The following SOX5 variants were observed in gnomAD, a reference collection of about 807,000 sequenced individuals.
The protein encoded by SOX5 is SRY-box transcription factor 5.
In SOX5, 9 loss-of-function variants were observed where a neutral mutation model predicts 92.0. The ratio of observed to expected loss-of-function variants is 0.10; its 90% CI spans 0.06 to 0.17. The LOEUF (loss-of-function observed/expected upper bound fraction) is 0.17. SOX5 is among the 10% of genes least tolerant of loss of function. The probability of loss-of-function intolerance (pLI) is 1.00; values close to 1 mark genes in which losing one functional copy is unlikely to be tolerated. For synonymous variants in SOX5, 344 were observed against 336.3 expected, an observed-to-expected ratio of 1.02 and a Z score of -0.25; for missense variants, 642 against 944.5, an observed-to-expected ratio of 0.68 and a Z score of 4.20.
intron 5 of SOX5, among the ~76,000 whole-genome samples, chr12:23,739,291 G>C (rs1156557148): frequency 6.6e-6 from 1 of 152,064 alleles, no homozygotes; most frequent in Non-Finnish European, 1.5e-5. Flanking sequence ...TCTATCTTAC[G>C]TTGTATTTAC....
intron 6 of SOX5, among the ~76,000 whole-genome samples, chr12:23,702,995 C>T (rs371573440): frequency 6.6e-6 from 1 of 151,946 alleles, no homozygotes; most frequent in South Asian, 2.1e-4. Flanking sequence ...AAGACTGAAT[C>T]TTGTAAAGAG....
chr12:24,530,716 C>T (rs1951120169), intron 1 of SOX5, among the ~76,000 whole-genome samples: 2 of 148,940 alleles, frequency 1.3e-5, no homozygotes, highest in Non-Finnish European at 3.0e-5. Flanking sequence ...GCACTCCAGC[C>T]TGAGTGACAA....
At chr12:23,796,462 T>C (rs4641570) in intron 3 of SOX5, among the ~76,000 whole-genome samples, 34,124 of 152,016 alleles carry the variant, frequency 0.22, 4,664 homozygotes, top group Middle Eastern at 0.32. Flanking sequence ...CTGAGTTGCA[T>C]AGCTAATGCT....
intron 4 of SOX5, among the ~76,000 whole-genome samples, chr12:24,040,036 T>A (rs1055456779): frequency 1.3e-5 from 2 of 152,162 alleles, no homozygotes; most frequent in African/African-American, 4.8e-5. Context: ...AATTCTAAAT[T>A]ACTTAAAAAT....
At chr12:23,582,141 T>A (rs1950128408) in intron 9 of SOX5, 1 of 985,100 alleles carries the variant, frequency 1.0e-6, no homozygotes, top group African/African-American at 1.7e-5. Flanking sequence ...AATTGCATAA[T>A]GTGCACTGTT....
intron 1 of SOX5, among the ~76,000 whole-genome samples, chr12:24,429,902 C>T (rs1714989827): frequency 6.6e-6 from 1 of 152,054 alleles, no homozygotes; most frequent in South Asian, 2.1e-4. Flanking sequence ...TTCACCTATT[C>T]CACAGATAAG....
At chr12:24,061,440 T>A (rs529215745) in intron 4 of SOX5, among the ~76,000 whole-genome samples, 1 of 152,090 alleles carries the variant, frequency 6.6e-6, no homozygotes, top group Admixed American at 6.6e-5. Context: ...TCATATCCAA[T>A]GATTATGGAT....
chr12:23,617,395 T>C (rs967537946), intron 8 of SOX5, among the ~76,000 whole-genome samples: 1 of 152,170 alleles, frequency 6.6e-6, no homozygotes, highest in African/African-American at 2.4e-5. Flanking sequence ...TGGCTATAGT[T>C]TGGGTTTTAC....
At chr12:23,703,068 C>A (rs1190086383) in intron 6 of SOX5, among the ~76,000 whole-genome samples, 2 of 152,046 alleles carry the variant, frequency 1.3e-5, no homozygotes, top group Non-Finnish European at 2.9e-5. Context: ...AACTTTGCAG[C>A]CAGCTGGCTC....
intron 1 of SOX5, among the ~76,000 whole-genome samples, chr12:24,481,539 T>C (rs1945999825): frequency 6.6e-6 from 1 of 152,164 alleles, no homozygotes; most frequent in Non-Finnish European, 1.5e-5. Flanking sequence ...ACCCCATAAA[T>C]ATATATACTT....
At chr12:24,555,964 A>G (rs1597908753) in intron 1 of SOX5, among the ~76,000 whole-genome samples, 3 of 152,326 alleles carry the variant, frequency 2.0e-5, no homozygotes, top group Non-Finnish European at 1.5e-5. Flanking sequence ...GCTCCCAGCC[A>G]ATGACTGACA....
chr12:24,145,689 T>C (rs1428844277), intron 4 of SOX5, among the ~76,000 whole-genome samples: 2 of 152,254 alleles, frequency 1.3e-5, no homozygotes, highest in East Asian at 1.9e-4. Context: ...TATTCTTTTG[T>C]AGAGGCAGGG....
intron 1 of SOX5, among the ~76,000 whole-genome samples, chr12:24,499,039 C>A (rs752244569): frequency 6.6e-6 from 1 of 152,234 alleles, no homozygotes. Flanking sequence ...CTCACTCAAT[C>A]TACATGGGCT....
At chr12:24,440,080 C>T (rs1317664690) in intron 1 of SOX5, among the ~76,000 whole-genome samples, 2 of 152,036 alleles carry the variant, frequency 1.3e-5, no homozygotes, top group Non-Finnish European at 1.5e-5. Context: ...TTAACTGCCA[C>T]GTAAGTGAAG....
chr12:23,941,825 A>G (rs1943704317), intron 1 of SOX5, among the ~76,000 whole-genome samples: 1 of 151,560 alleles, frequency 6.6e-6, no homozygotes, highest in South Asian at 2.1e-4. Context: ...CGAATCTCCA[A>G]CATAGACCTC....
chr12:23,660,318 G>C (rs532256902), intron 7 of SOX5, among the ~76,000 whole-genome samples: 1 of 150,806 alleles, frequency 6.6e-6, no homozygotes, highest in Non-Finnish European at 1.5e-5. Flanking sequence ...AGATAATCTC[G>C]TTTGATCTTT....
intron 4 of SOX5, among the ~76,000 whole-genome samples, chr12:24,035,235 T>A (rs552402072): frequency 6.6e-6 from 1 of 152,114 alleles, no homozygotes; most frequent in Non-Finnish European, 1.5e-5. Context: ...TGGCATCTAC[T>A]TTTTAATTTT....
chr12:23,915,787 T>C (rs570200909), intron 1 of SOX5, among the ~76,000 whole-genome samples: 1 of 152,340 alleles, frequency 6.6e-6, no homozygotes, highest in Admixed American at 6.5e-5. Context: ...TATTGTAAGA[T>C]TCAGTCATTG....
chr12:23,840,625 A>T (rs961726226), intron 3 of SOX5, among the ~76,000 whole-genome samples: 2 of 152,144 alleles, frequency 1.3e-5, no homozygotes, highest in African/African-American at 2.4e-5. Flanking sequence ...TACTGGCAAG[A>T]CGATAGACCA....
Sources: gnomAD v4.1 joint callset for allele counts (sites outside exome capture counted in the v4.1 genomes callset) on GRCh38, gnomAD v4.1.1 for gene constraint, MANE v1.5 for transcripts, NCBI Gene and HGNC (gene_info 2026-07-23, HGNC 2026-07-21) for gene names.